Variants in MSH4 observed in about 807,000 individuals in gnomAD.
MSH4 encodes mutS homolog 4, also known as mutS protein homolog 4.
Under a neutral mutation model 113.7 loss-of-function variants are expected in MSH4, and 106 were observed. The observed-to-expected ratio is 0.93, with a 90% CI of 0.80 to 1.10. MSH4 has a LOEUF of 1.10. MSH4 is among the 50% of genes least tolerant of loss of function. The pLI is 0.00. For missense variants in MSH4, 1,061 were observed against 1,093.7 expected (o/e 0.97, Z 0.42); for synonymous variants, 368 against 380.2 (o/e 0.97, Z 0.37).
At chr1:75,905,377 G>A (rs1046481736) in intron 19 of MSH4, among the ~76,000 whole-genome samples, 4 of 151,408 alleles carry the variant, frequency 2.6e-5, no homozygotes, top group Non-Finnish European at 5.9e-5. Flanking sequence ...TTCTGTTATT[G>A]ATTTCTAGTT....
intron 2 of MSH4, among the ~76,000 whole-genome samples, chr1:75,805,229 T>C (rs773841056): frequency 1.4e-4 from 22 of 152,176 alleles, no homozygotes; most frequent in Admixed American, 3.3e-4. Flanking sequence ...TTTATGCTGT[T>C]ATCTCTCTGT....
In MSH4 at chr1:75,880,143, A is replaced by C. The variant is rs1651899572; in HGVS notation, c.1771A>C (p.Met591Leu). 6.6e-7 allele frequency: 1 copy of C among 1,513,320 alleles called. No individual in the cohort carries two copies. The highest frequency in any genetic ancestry group is 9.1e-7 in the Non-Finnish European group (1 of 1,098,130). 93.7% of individuals were successfully genotyped at this position (1,513,320 alleles called of 1,614,324 possible). A position where few individuals can be genotyped will look rare whatever the true frequency, so the allele number is the denominator to read the frequency against. The stretch of plus-strand genomic sequence containing the variant: ...AGAATCTTTGAGAGAAATCTATCAC[A>C]TGACTTATATGTAAGAGCATTTGAA... ...CQESLREIYH[M>L]TYMIVCKLLS... Residue 591 changes from methionine (M) to leucine (L), a missense_variant, in exon 13 of 20, where the codon ATG (methionine) becomes CTG (leucine). Coordinates refer to ENST00000263187, the MANE Select transcript of MSH4 (RefSeq NM_002440.4).
chr1:75,805,282 T>C (rs892333480), intron 2 of MSH4, among the ~76,000 whole-genome samples: 2 of 152,142 alleles, frequency 1.3e-5, no homozygotes, highest in African/African-American at 2.4e-5. Flanking sequence ...ATAAAGCTTT[T>C]TTCTGAGTCT....
At chr1:75,866,827 A>G (rs1281590629) in intron 8 of MSH4, among the ~76,000 whole-genome samples, 1 of 152,152 alleles carries the variant, frequency 6.6e-6, no homozygotes, top group Non-Finnish European at 1.5e-5. Flanking sequence ...TTAAAAAAAA[A>G]AAAGAAACAT....
At position 75,889,378 on chromosome 1, in the gene MSH4, A is replaced by G. The variant is rs1170001088; in HGVS notation, c.2226+9A>G. 8.0e-7 allele frequency: 1 copy of G among 1,252,380 alleles called. No individual in the cohort carries two copies. 77.6% of individuals were successfully genotyped at this position (1,252,380 alleles called of 1,614,324 possible). A position where few individuals can be genotyped will look rare whatever the true frequency, so the allele number is the denominator to read the frequency against. ...TGAAAGAAATGAAAGAGGTACCCAA[A>G]CAAAACTTTTCTTATGTTAAAAACA... is the stretch of plus-strand genomic sequence containing the variant. On this transcript the variant is annotated intron_variant, in intron 16 of 19. Transcript: ENST00000263187.
intron 7 of MSH4, among the ~76,000 whole-genome samples, chr1:75,843,098 C>G (rs1301148581): frequency 6.6e-6 from 1 of 152,188 alleles, no homozygotes; most frequent in Non-Finnish European, 1.5e-5. Context: ...CTCTCTCTGC[C>G]TCGGCTGCCA....
chr1:75,898,064 C>A lies in MSH4; in HGVS notation c.2513C>A (p.Thr838Lys). The part of the protein sequence containing the change: ...LYTYKLSKGL[T>K]EEKNYGLKAA... ...ACCTACAAACTTTCTAAGGGACTCA[C>A]AGAAGAGAAAAATTATGGTACTGCA... The change falls in exon 18 of 20, where the codon ACA (threonine) becomes AAA (lysine). Residue 838 changes from threonine (T) to lysine (K), a missense_variant. Transcript: ENST00000263187. 1 of 1,581,736 alleles carries A rather than the reference C, an allele frequency of 6.3e-7. No homozygotes were observed. Among genetic ancestry groups the A allele is most frequent in the Non-Finnish European group, 8.6e-7 (1 of 1,164,584 alleles).
At chr1:75,874,110 G>A (rs1232706233) in intron 9 of MSH4, among the ~76,000 whole-genome samples, 1 of 151,966 alleles carries the variant, frequency 6.6e-6, no homozygotes, top group African/African-American at 2.4e-5. Context: ...TTTAATAATA[G>A]CCATTCTGAC....
At position 75,882,815 on chromosome 1, in the gene MSH4, C is replaced by T. The variant is rs183794420; in HGVS notation, c.1907-806C>T. Among the ~76,000 whole-genome samples, 23 of 152,056 alleles carry T rather than the reference C, an allele frequency of 1.5e-4. No homozygotes were observed. The East Asian group carries it at 4.1e-3, about 27-fold the overall frequency. ...CTATGATTTTGCCACCGTATTCCAG[C>T]CTGGGTGATAGACCAAGACCCTGTC... On this transcript the variant is annotated intron_variant, in intron 14 of 19. Transcript: ENST00000263187.
Position 75,825,709 on chromosome 1 carries a change from G to T in MSH4, c.1162+3128G>T, listed in dbSNP as rs144032163. On this transcript the variant is annotated intron_variant, in intron 7 of 19. Transcript: ENST00000263187. The stretch of plus-strand genomic sequence containing the variant: ...ATTTTATCGAAGGCCTTTTCTGCAT[G>T]TATTGAGATAATCATGTGGTTTTTG... Among the ~76,000 whole-genome samples the T allele has an allele frequency of 7.0e-3, 1,069 of 152,104 alleles. 12 individuals are homozygous for T. Among genetic ancestry groups the T allele is most frequent in the African/African-American group, 0.025 (1,030 of 41,516 alleles).
chr1:75,911,687 A>G (rs1652789827), intron 19 of MSH4, among the ~76,000 whole-genome samples: 1 of 152,118 alleles, frequency 6.6e-6, no homozygotes, highest in South Asian at 2.1e-4. Context: ...GATAGTAGAT[A>G]TTCAATAACT....
intron 8 of MSH4, among the ~76,000 whole-genome samples, chr1:75,848,739 A>G (rs779236515): frequency 5.9e-5 from 9 of 151,360 alleles, no homozygotes; most frequent in Non-Finnish European, 1.3e-4. Context: ...GCCTTGTCAC[A>G]AAAAAAAATT....
intron 19 of MSH4, among the ~76,000 whole-genome samples, chr1:75,906,895 G>A (rs534854612): frequency 6.7e-5 from 10 of 148,892 alleles, no homozygotes; most frequent in Admixed American, 4.0e-4. Flanking sequence ...GTGCAGTGGC[G>A]CGATCTTGGC....
chr1:75,908,441 C>T (rs997481675), intron 19 of MSH4, among the ~76,000 whole-genome samples: 6 of 152,104 alleles, frequency 3.9e-5, no homozygotes, highest in East Asian at 1.9e-4. Flanking sequence ...CCAATGTGCC[C>T]GGCCAAACTT....
At position 75,838,637 on chromosome 1, in the gene MSH4, C is replaced by T. The variant is rs539775417; in HGVS notation, c.1163-9572C>T. 3.9e-5 allele frequency among the ~76,000 whole-genome samples: 6 copies of T among 152,222 alleles called. 1 individual carries two copies. The South Asian group carries it at 1.2e-3, about 32-fold the overall frequency. The stretch of plus-strand genomic sequence containing the variant: ...TATATAGCTGTTTTCCTGTAATCTC[C>T]CACAGCATCTCTTGATACTCTTCAC... On this transcript the variant is annotated intron_variant, in intron 7 of 19. Coordinates refer to ENST00000263187, the MANE Select transcript of MSH4 (RefSeq NM_002440.4).
intron 7 of MSH4, among the ~76,000 whole-genome samples, chr1:75,823,944 C>T (rs1431842864): frequency 6.6e-6 from 1 of 152,132 alleles, no homozygotes; most frequent in Non-Finnish European, 1.5e-5. Flanking sequence ...CATACATGTG[C>T]ATGTGTCTTT....
At chr1:75,895,255 A>G (rs1570995399) in intron 17 of MSH4, among the ~76,000 whole-genome samples, 2 of 152,164 alleles carry the variant, frequency 1.3e-5, no homozygotes, top group South Asian at 2.1e-4. Context: ...CTACTCCACA[A>G]TGCAATAAAG....
intron 1 of MSH4, among the ~76,000 whole-genome samples, chr1:75,797,803 G>A (rs1275661492): frequency 6.6e-6 from 1 of 152,020 alleles, no homozygotes; most frequent in Middle Eastern, 3.2e-3. Flanking sequence ...AAAATTATCT[G>A]GGTGTGGTGG....
At chr1:75,827,711 T>A (rs1188069983) in intron 7 of MSH4, among the ~76,000 whole-genome samples, 15 of 148,392 alleles carry the variant, frequency 1.0e-4, no homozygotes, top group African/African-American at 3.7e-4. Flanking sequence ...GCAATCCTAG[T>A]CTCTGATAAA....
Sources: gnomAD v4.1 joint callset for allele counts (sites outside exome capture counted in the v4.1 genomes callset) on GRCh38, gnomAD v4.1.1 for gene constraint, MANE v1.5 for transcripts, NCBI Gene and HGNC (gene_info 2026-07-23, HGNC 2026-07-21) for gene names.